The following PLEKHH2 variants were observed in gnomAD, a reference collection of about 807,000 sequenced individuals.
PLEKHH2 encodes pleckstrin homology domain-containing family H member 2.
Under a neutral mutation model 187.9 loss-of-function variants are expected in PLEKHH2, and 129 were observed. That is an observed-to-expected ratio of 0.69 (90% CI 0.59 to 0.79). PLEKHH2 has a LOEUF of 0.79. Ranked by LOEUF, PLEKHH2 falls within the 30% of genes least tolerant of loss-of-function variation. PLEKHH2 has a pLI of 0.00. For missense variants in PLEKHH2, 2,076 were observed against 1,751.2 expected, an observed-to-expected ratio of 1.19 and a Z score of -3.31; for synonymous variants, 686 against 605.6, an observed-to-expected ratio of 1.13 and a Z score of -1.95.
chr2:43,707,411 A>G lies in PLEKHH2; in HGVS notation c.1832A>G (p.Gln611Arg), dbSNP rs747563620. ...VYTTLKGKAT[Q>R]ISSSPFLDDS... is the part of the protein sequence containing the mutation. ...TCCACTTTTCTTTAGAAGGCGACCC[A>G]AATAAGTAGCAGCCCTTTCCTGGAT... The change falls in exon 11 of 30, where the codon CAA (glutamine) becomes CGA (arginine). Residue 611 changes from glutamine to arginine, a missense_variant. Coordinates refer to ENST00000282406, the MANE Select transcript of PLEKHH2 (RefSeq NM_172069.4). 1.2e-6 allele frequency: 2 copies of G among 1,613,914 alleles called. No individual in the cohort carries two copies. Among genetic ancestry groups the G allele is most frequent in the Non-Finnish European group, 1.7e-6 (2 of 1,180,014 alleles).
chr2:43,744,633 C>G (rs1015134435), intron 23 of PLEKHH2, among the ~76,000 whole-genome samples: 6 of 151,900 alleles, frequency 3.9e-5, no homozygotes, highest in African/African-American at 1.5e-4. Flanking sequence ...TTTGGGAGGC[C>G]GGGTCAGGTG....
rs564435938 is a variant in PLEKHH2 at position 43,726,316 on chromosome 2, G to A, written c.2586G>A (p.Glu862=). The A allele has an allele frequency of 5.0e-4, 800 of 1,612,444 alleles. 5 individuals carry two copies. In the Admixed American group the frequency reaches 0.012, roughly 25 times the overall value. The change falls in exon 17 of 30, where the codon GAG becomes GAA. Residue 862 remains glutamate, a synonymous_variant. Coordinates refer to ENST00000282406, the MANE Select transcript of PLEKHH2 (RefSeq NM_172069.4). ...AACTCTGGGAGGCTAAAGTGGAAGA[G>A]GTTGACAGATCTTGTGATTCAGATG... ...QIKLWEAKVE[E]VDRSCDSDED...
intron 3 of PLEKHH2, among the ~76,000 whole-genome samples, chr2:43,681,801 C>T (rs1397023495): frequency 6.6e-6 from 1 of 152,144 alleles, no homozygotes; most frequent in Non-Finnish European, 1.5e-5. Flanking sequence ...CCATCACCCT[C>T]AATTTTTATT....
At chr2:43,649,075 C>T (rs1666342479) in intron 2 of PLEKHH2, among the ~76,000 whole-genome samples, 1 of 151,952 alleles carries the variant, frequency 6.6e-6, no homozygotes, top group African/African-American at 2.4e-5. Flanking sequence ...ATCACAGTTT[C>T]CAAGTAACTT....
intron 16 of PLEKHH2, 109 bp from the exon 17 acceptor site, chr2:43,726,163 A>C (rs1670733980): frequency 3.8e-6 from 3 of 782,318 alleles, no homozygotes; most frequent in South Asian, 4.9e-5. Flanking sequence ...ATAAAGTAAA[A>C]TTTTTAAAGG....
intron 24 of PLEKHH2, among the ~76,000 whole-genome samples, chr2:43,746,969 CAA>C (rs571694640): frequency 7.3e-6 from 1 of 137,002 alleles, no homozygotes; most frequent in Non-Finnish European, 1.6e-5. Flanking sequence ...GACTCTGTCT[CAA>C]AAAAAAAAAA....
intron 15 of PLEKHH2, among the ~76,000 whole-genome samples, chr2:43,718,032 T>G (rs2104536936): frequency 6.6e-6 from 1 of 152,238 alleles, no homozygotes; most frequent in African/African-American, 2.4e-5. Flanking sequence ...GGGCTTATGG[T>G]TTGTGCAGTG....
Position 43,726,354 on chromosome 2 carries a change from C to G in PLEKHH2, c.2624C>G (p.Ala875Gly), listed in dbSNP as rs1162235498. The G allele has an allele frequency of 6.2e-7, 1 of 1,610,412 alleles. No homozygotes were observed. The highest frequency in any genetic ancestry group is 1.3e-5 in the African/African-American group (1 of 74,810). ...RSCDSDEDYE[A>G]SGRSLLSTHY... is the part of the protein sequence containing the mutation. Reference sequence around the variant, plus strand: ...TGTGATTCAGATGAAGATTATGAAGCCAGTGGACGAAGTCTGTTATCCACA... The same window carrying G: ...TGTGATTCAGATGAAGATTATGAAGGCAGTGGACGAAGTCTGTTATCCACA... Residue 875 changes from alanine (A) to glycine (G), a missense_variant, in exon 17 of 30, where the codon GCC becomes GGC. Physicochemically the swap from Ala to Gly is moderately conservative, Grantham distance 60. Transcript: ENST00000282406.
chr2:43,707,255 T>C lies in PLEKHH2; in HGVS notation c.1822-146T>C, dbSNP rs1669706228. 5.2e-6 allele frequency: 4 copies of C among 768,466 alleles called. No individual in the cohort carries two copies. In the South Asian group the frequency reaches 8.8e-5, roughly 17 times the overall value. 47.6% of individuals were successfully genotyped at this position (768,466 alleles called of 1,614,324 possible). ...CTTCTTCCTGTAAAACTTTCTGTTA[T>C]CTAAAAAGAGTGATAACCTTAGGGA... is the stretch of plus-strand genomic sequence containing the variant. On this transcript the variant is annotated intron_variant, in intron 10 of 29. Coordinates refer to ENST00000282406, the MANE Select transcript of PLEKHH2 (RefSeq NM_172069.4).
At chr2:43,734,404 C>CA (rs1160322524) in intron 19 of PLEKHH2, among the ~76,000 whole-genome samples, 1 of 152,064 alleles carries the variant, frequency 6.6e-6, no homozygotes, top group Non-Finnish European at 1.5e-5. Flanking sequence ...AACTCAATAG[C>CA]AAAAAACAAA....
chr2:43,720,770 T>C, intron 16 of PLEKHH2, 21 bp downstream of exon 16: 3 of 1,588,852 alleles, frequency 1.9e-6, no homozygotes, highest in Non-Finnish European at 2.6e-6. Context: ...ATTTTTAATA[T>C]GCCAATTGAA....
rs531176138 is a variant in PLEKHH2, at chr2:43,637,746, C to A, written c.-4+367C>A. Reference sequence around the variant, plus strand: ...GCGGGGCAGCCCAGGGTCCCCGAGCCGAGGGACCCGCGCGGTCAGGGATGC... The same window carrying A: ...GCGGGGCAGCCCAGGGTCCCCGAGCAGAGGGACCCGCGCGGTCAGGGATGC... On this transcript the variant is annotated intron_variant, in intron 1 of 29. Transcript: ENST00000282406. Among the ~76,000 whole-genome samples, 5 of 152,278 alleles carry A rather than the reference C, an allele frequency of 3.3e-5. No homozygotes were observed. In the South Asian group the frequency reaches 1.0e-3, roughly 32 times the overall value.
chr2:43,765,741 T>G lies in PLEKHH2; in HGVS notation c.*143T>G. On this transcript the variant is annotated 3_prime_UTR_variant, in exon 30 of 30. Transcript: ENST00000282406. ...CAATGAAGGGGGTTAGTCTCTTTTA[T>G]TTGATTCTTAAATATTCAAATAAAT... The G allele has an allele frequency of 1.4e-6, 1 of 722,546 alleles. No homozygotes were observed. The highest frequency in any genetic ancestry group is 2.1e-6 in the Non-Finnish European group (1 of 477,694). 44.8% of individuals were successfully genotyped at this position (722,546 alleles called of 1,614,324 possible).
chr2:43,758,801 C>T, intron 26 of PLEKHH2, 99 bp from the exon 27 acceptor site: 1 of 1,048,266 alleles, frequency 9.5e-7, no homozygotes, highest in Non-Finnish European at 1.3e-6. Context: ...CACAGTTATG[C>T]TTAGGATTGG....
chr2:43,726,501 T>A (rs756557435), intron 17 of PLEKHH2, 50 bp downstream of exon 17: 1 of 1,457,772 alleles, frequency 6.9e-7, no homozygotes, highest in Admixed American at 1.9e-5. Flanking sequence ...CTAATATTAT[T>A]CAGATATTGG....
At chr2:43,722,078 C>G (rs565373177) in intron 16 of PLEKHH2, among the ~76,000 whole-genome samples, 1 of 150,356 alleles carries the variant, frequency 6.7e-6, no homozygotes, top group African/African-American at 2.5e-5. Context: ...ATAGCAAAAC[C>G]TAGTCTCTAC....
At chr2:43,695,700 A>G (rs183453621) in intron 6 of PLEKHH2, among the ~76,000 whole-genome samples, 2 of 152,334 alleles carry the variant, frequency 1.3e-5, no homozygotes, top group East Asian at 3.9e-4. Flanking sequence ...GAAAGAACAC[A>G]GGGGACTTTA....
At chr2:43,745,732 G>C in intron 23 of PLEKHH2, 134 bp from the exon 24 acceptor site, 1 of 601,380 alleles carries the variant, frequency 1.7e-6, no homozygotes, top group Non-Finnish European at 2.9e-6. Context: ...GCCGCACAGA[G>C]GCTGAAAACA....
intron 19 of PLEKHH2, among the ~76,000 whole-genome samples, chr2:43,735,105 G>A (rs1462320782): frequency 1.3e-5 from 2 of 152,106 alleles, no homozygotes; most frequent in African/African-American, 2.4e-5. Context: ...CACAAGAATC[G>A]CTTGAACCTG....
Sources: gnomAD v4.1 joint callset for allele counts (sites outside exome capture counted in the v4.1 genomes callset) on GRCh38, gnomAD v4.1.1 for gene constraint, MANE v1.5 for transcripts, NCBI Gene and HGNC (gene_info 2026-07-23, HGNC 2026-07-21) for gene names.